ITGB3BP: variants seen among roughly 807,000 people sequenced by gnomAD.
The protein encoded by ITGB3BP is integrin subunit beta 3 binding protein.
In ITGB3BP, 27 loss-of-function variants were observed where a neutral mutation model predicts 29.1. The ratio of observed to expected loss-of-function variants is 0.93; its 90% CI spans 0.68 to 1.28. The LOEUF is 1.28. ITGB3BP is among the 50% of genes most tolerant of loss of function. The pLI is 0.00. For missense variants in ITGB3BP, 192 were observed against 200.2 expected, an observed-to-expected ratio of 0.96 and a Z score of 0.25; for synonymous variants, 61 against 61.4, an observed-to-expected ratio of 0.99 and a Z score of 0.03.
intron 3 of ITGB3BP, among the ~76,000 whole-genome samples, chr1:63,487,127 A>G (rs537315476): frequency 6.6e-6 from 1 of 152,106 alleles, no homozygotes; most frequent in East Asian, 1.9e-4. Flanking sequence ...ATGGTAAATG[A>G]TAGACTAGTA....
At chr1:63,518,682 C>A (rs899936254) in intron 1 of ITGB3BP, among the ~76,000 whole-genome samples, 1 of 151,678 alleles carries the variant, frequency 6.6e-6, no homozygotes, top group Non-Finnish European at 1.5e-5. Context: ...ATATTCTCTA[C>A]CTTTTTCACT....
At chr1:63,474,576 C>T (rs1299877842) in intron 4 of ITGB3BP, among the ~76,000 whole-genome samples, 3 of 151,220 alleles carry the variant, frequency 2.0e-5, no homozygotes, top group African/African-American at 7.2e-5. Flanking sequence ...CCTTGGGATC[C>T]TGTTGATCTG....
chr1:63,504,839 C>A (rs951242769), intron 2 of ITGB3BP, among the ~76,000 whole-genome samples: 1 of 152,166 alleles, frequency 6.6e-6, no homozygotes, highest in African/African-American at 2.4e-5. Context: ...GTTGAACCAG[C>A]CTTGCATCCC....
rs374795494 is a variant in ITGB3BP, at chr1:63,454,895, T to C, written c.328A>G (p.Ile110Val). 28 of 1,491,668 alleles carry C rather than the reference T, an allele frequency of 1.9e-5. No homozygotes were observed. In the African/African-American group the frequency reaches 2.9e-4, roughly 15 times the overall value. The allele number at this position is 1,491,668 out of a possible 1,614,324, so 92.4% of individuals were successfully genotyped here. A position where few individuals can be genotyped will look rare whatever the true frequency, so the allele number is the denominator to read the frequency against. The change falls in exon 5 of 9, where the codon ATA becomes GTA. Residue 110 changes from isoleucine (I) to valine (V), a missense_variant. Ile to Val is a conservative substitution (Grantham distance 29). Transcript: ENST00000271002. This position sits in a 1 kb window ranked among gnomAD's most constrained non-coding sequence, Gnocchi z 4.1. Reference sequence around the variant, plus strand: ...AAGTATGAAAAAATGCAAACCTGTATACTACTTAAATTTTGCATTATCTCC... The same window carrying C: ...AAGTATGAAAAAATGCAAACCTGTACACTACTTAAATTTTGCATTATCTCC... Reference protein sequence around the residue: ...IMEIMQNLSSIQALEGSRELE... With the variant: ...IMEIMQNLSSVQALEGSRELE...
intron 4 of ITGB3BP, among the ~76,000 whole-genome samples, chr1:63,461,799 C>A (rs2100539618): frequency 6.6e-6 from 1 of 152,294 alleles, no homozygotes; most frequent in East Asian, 1.9e-4. Context: ...TTGTTTTGGA[C>A]CCCCAATTCT....
At chr1:63,466,603 G>T (rs916404233) in intron 4 of ITGB3BP, among the ~76,000 whole-genome samples, 1 of 152,160 alleles carries the variant, frequency 6.6e-6, no homozygotes, top group Non-Finnish European at 1.5e-5. Context: ...CACACAGCAT[G>T]TTTCAAACAC....
At chr1:63,472,157 C>T (rs1366568893) in intron 4 of ITGB3BP, among the ~76,000 whole-genome samples, 3 of 151,404 alleles carry the variant, frequency 2.0e-5, no homozygotes, top group Admixed American at 2.0e-4. Flanking sequence ...TTGGCATTTC[C>T]ATTATTTTTC....
At chr1:63,522,595 T>A (rs914795154) in intron 1 of ITGB3BP, among the ~76,000 whole-genome samples, 1 of 152,146 alleles carries the variant, frequency 6.6e-6, no homozygotes, top group Non-Finnish European at 1.5e-5. Context: ...AGATTATTGG[T>A]CATAGATGGG....
intron 4 of ITGB3BP, among the ~76,000 whole-genome samples, chr1:63,464,671 T>A (rs1406533607): frequency 6.6e-6 from 1 of 152,186 alleles, no homozygotes; most frequent in African/African-American, 2.4e-5. Context: ...ACAAAGTATT[T>A]ATTAATTACA....
intron 2 of ITGB3BP, among the ~76,000 whole-genome samples, chr1:63,497,888 T>G (rs1468952676): frequency 6.6e-6 from 1 of 150,638 alleles, no homozygotes; most frequent in Admixed American, 6.7e-5. Context: ...GGCACTTCTT[T>G]TCTGTTGCAC....
At chr1:63,514,013 TGAG>T (rs1284371159) in intron 1 of ITGB3BP, among the ~76,000 whole-genome samples, 1 of 152,206 alleles carries the variant, frequency 6.6e-6, no homozygotes, top group East Asian at 1.9e-4. Flanking sequence ...TTGAATCATA[TGAG>T]GAGGGTACCT....
intron 2 of ITGB3BP, among the ~76,000 whole-genome samples, chr1:63,494,313 TTCACTA>T (rs1188905027): frequency 6.6e-6 from 1 of 152,190 alleles, no homozygotes; most frequent in African/African-American, 2.4e-5. Flanking sequence ...GAGACAAGGT[TTCACTA>T]TGTTCACCAG....
At chr1:63,526,701 T>C (rs1474819065), upstream of ITGB3BP, among the ~76,000 whole-genome samples, 3 of 152,242 alleles carry the variant, frequency 2.0e-5, no homozygotes, top group Non-Finnish European at 2.9e-5. Flanking sequence ...ACTAAAATGC[T>C]CTATTTTGAA....
At chr1:63,496,728 G>A (rs1645797387) in intron 2 of ITGB3BP, among the ~76,000 whole-genome samples, 1 of 152,152 alleles carries the variant, frequency 6.6e-6, no homozygotes, top group African/African-American at 2.4e-5. Flanking sequence ...CTACTGCAAT[G>A]TCTTCTTAAA....
intron 2 of ITGB3BP, among the ~76,000 whole-genome samples, chr1:63,528,626 C>T (rs10889430): frequency 0.16 from 23,928 of 151,840 alleles, 1,924 homozygotes; most frequent in Middle Eastern, 0.26. Context: ...ACCCTATTTA[C>T]CCTGATGTAA....
intron 2 of ITGB3BP, among the ~76,000 whole-genome samples, chr1:63,504,608 TCA>T (rs1275031214): frequency 6.6e-6 from 1 of 152,220 alleles, no homozygotes; most frequent in Non-Finnish European, 1.5e-5. Context: ...AAGGGAATGT[TCA>T]CAGTTTTTGC....
chr1:63,477,249 T>C (rs376883049), intron 4 of ITGB3BP, among the ~76,000 whole-genome samples: 353 of 152,330 alleles, frequency 2.3e-3, no homozygotes, highest in African/African-American at 8.2e-3. Flanking sequence ...AACTATATAG[T>C]TCAGCTATAT....
intron 1 of ITGB3BP, among the ~76,000 whole-genome samples, chr1:63,511,963 T>C (rs1646208692): frequency 6.6e-6 from 1 of 152,132 alleles, no homozygotes. Flanking sequence ...TTTAGCACAA[T>C]TTAAAAATAG....
At chr1:63,512,247 A>G (rs1168228298) in intron 1 of ITGB3BP, among the ~76,000 whole-genome samples, 3 of 152,104 alleles carry the variant, frequency 2.0e-5, no homozygotes, top group African/African-American at 7.2e-5. Context: ...TTGTATAATT[A>G]TATTATTCTC....
Sources: allele counts gnomAD v4.1 joint callset (sites outside exome capture counted in the v4.1 genomes callset), GRCh38; gene constraint gnomAD v4.1.1; non-coding constraint Gnocchi (gnomAD v3.1); transcripts MANE v1.5; gene names NCBI Gene and HGNC (gene_info 2026-07-23, HGNC 2026-07-21).